STPG2: variants seen among roughly 807,000 people sequenced by gnomAD.
STPG2 encodes sperm-tail PG-rich repeat-containing protein 2.
In STPG2, 56 loss-of-function variants were observed where a neutral mutation model predicts 54.2. That is an observed-to-expected ratio of 1.03 (90% CI 0.83 to 1.29). The LOEUF (loss-of-function observed/expected upper bound fraction) is 1.29. STPG2 is among the 50% of genes most tolerant of loss of function. STPG2 has a pLI of 0.00. For synonymous variants in STPG2, 200 were observed against 181.8 expected (o/e 1.10, Z -0.81); for missense variants, 596 against 544.9 (o/e 1.09, Z -0.93).
chr4:97,866,910 TA>T (rs138050815), intron 8 of STPG2, among the ~76,000 whole-genome samples: 13 of 151,568 alleles, frequency 8.6e-5, no homozygotes, highest in African/African-American at 2.7e-4. Flanking sequence ...TGCAGCAAGG[TA>T]AAAAAAACTT....
At chr4:97,451,515 C>A (rs1729363414) in intron 4 of STPG2, among the ~76,000 whole-genome samples, 1 of 151,882 alleles carries the variant, frequency 6.6e-6, no homozygotes, top group Non-Finnish European at 1.5e-5. Flanking sequence ...TTTTATTTTT[C>A]TTTTGTTAAC....
At chr4:97,464,236 A>G (rs757908681) in intron 4 of STPG2, among the ~76,000 whole-genome samples, 5 of 152,256 alleles carry the variant, frequency 3.3e-5, no homozygotes, top group Non-Finnish European at 5.9e-5. Flanking sequence ...ATGCAATACA[A>G]CAGTAAAAAA....
At chr4:98,038,410 A>ATT (rs71600243) in intron 5 of STPG2, among the ~76,000 whole-genome samples, 2 of 151,852 alleles carry the variant, frequency 1.3e-5, no homozygotes, top group Non-Finnish European at 1.5e-5. Flanking sequence ...AGTGGAAACA[A>ATT]TTTTTTTTTA....
downstream of STPG2, among the ~76,000 whole-genome samples, chr4:97,554,478 C>T (rs1366612882): frequency 1.3e-5 from 2 of 152,272 alleles, no homozygotes; most frequent in East Asian, 3.9e-4. Flanking sequence ...AACCTTCTTT[C>T]TGGCTTTGGT....
intron 10 of STPG2, among the ~76,000 whole-genome samples, chr4:97,624,729 T>C (rs1183203392): frequency 6.6e-6 from 1 of 152,244 alleles, no homozygotes; most frequent in Non-Finnish European, 1.5e-5. Flanking sequence ...GCTGAAATTG[T>C]CTTCTAGGGC....
At chr4:97,698,074 T>C (rs1028215562) in intron 10 of STPG2, among the ~76,000 whole-genome samples, 2 of 152,170 alleles carry the variant, frequency 1.3e-5, no homozygotes, top group African/African-American at 4.8e-5. Flanking sequence ...GTGTTTTTAA[T>C]TCCTCTAGCA....
At chr4:97,506,601 T>G (rs1328383534) in intron 4 of STPG2, among the ~76,000 whole-genome samples, 1 of 151,834 alleles carries the variant, frequency 6.6e-6, no homozygotes, top group Non-Finnish European at 1.5e-5. Context: ...TAATAAATAA[T>G]GATGTACATG....
At chr4:97,828,055 T>C (rs537893658) in intron 9 of STPG2, among the ~76,000 whole-genome samples, 16 of 152,260 alleles carry the variant, frequency 1.1e-4, no homozygotes, top group South Asian at 6.2e-4. Context: ...TCAAAGCCAA[T>C]TTAAAAAGCC....
chr4:97,543,810 G>T (rs957536827), intron 4 of STPG2, among the ~76,000 whole-genome samples: 2 of 151,930 alleles, frequency 1.3e-5, no homozygotes, highest in African/African-American at 4.8e-5. Context: ...GGCTTTTAAG[G>T]TCATCAAATC....
intron 10 of STPG2, among the ~76,000 whole-genome samples, chr4:97,576,697 T>C (rs1014092352): frequency 1.3e-5 from 2 of 152,078 alleles, no homozygotes; most frequent in Admixed American, 6.6e-5. Context: ...ACAAAGAATT[T>C]ATCATTAAGT....
At chr4:98,004,824 T>A (rs1279739111) in intron 5 of STPG2, among the ~76,000 whole-genome samples, 5 of 152,186 alleles carry the variant, frequency 3.3e-5, no homozygotes, top group Non-Finnish European at 7.4e-5. Context: ...TTGCCCATTT[T>A]AAAAATCAGG....
intron 5 of STPG2, among the ~76,000 whole-genome samples, chr4:98,022,042 G>T (rs1049890407): frequency 1.3e-5 from 2 of 151,830 alleles, no homozygotes; most frequent in Non-Finnish European, 2.9e-5. Flanking sequence ...TGTTATGTGT[G>T]AATTTGATCC....
At chr4:98,070,132 A>G (rs1198578730) in intron 5 of STPG2, among the ~76,000 whole-genome samples, 1 of 152,044 alleles carries the variant, frequency 6.6e-6, no homozygotes, top group Non-Finnish European at 1.5e-5. Context: ...AATACTACCA[A>G]ATCAAATCCA....
intron 8 of STPG2, among the ~76,000 whole-genome samples, chr4:97,921,792 A>G (rs888880114): frequency 6.6e-6 from 1 of 152,216 alleles, no homozygotes; most frequent in African/African-American, 2.4e-5. Context: ...AGTGTTCATC[A>G]ACGGATAAAG....
intron 10 of STPG2, among the ~76,000 whole-genome samples, chr4:97,629,892 CAGAAA>C (rs1721214642): frequency 6.6e-6 from 1 of 151,898 alleles, no homozygotes. Flanking sequence ...TGCAAAGGCA[CAGAAA>C]CCTTGGAAAG....
chr4:97,694,811 A>T, intron 10 of STPG2, among the ~76,000 whole-genome samples: 1 of 30,582 alleles, frequency 3.3e-5, no homozygotes, highest in African/African-American at 1.4e-4. Flanking sequence ...AGACTCTGTC[A>T]CAAAAAAAAA....
chr4:97,579,621 C>T (rs78434198), intron 10 of STPG2, among the ~76,000 whole-genome samples: 3,492 of 152,094 alleles, frequency 0.023, 62 homozygotes, highest in South Asian at 0.063. Context: ...GGAACTTCTG[C>T]CACCTTTACA....
At chr4:98,029,949 ACT>A (rs1736541330) in intron 5 of STPG2, among the ~76,000 whole-genome samples, 1 of 151,958 alleles carries the variant, frequency 6.6e-6, no homozygotes, top group African/African-American at 2.4e-5. Context: ...AAGAGTTGTA[ACT>A]CTTTTTCATG....
intron 9 of STPG2, among the ~76,000 whole-genome samples, chr4:97,758,622 G>C (rs991521659): frequency 2.0e-5 from 3 of 152,032 alleles, no homozygotes; most frequent in Admixed American, 6.6e-5. Flanking sequence ...GGGCCTGTCA[G>C]GGGGGTGCGG....
Sources: gnomAD v4.1 joint callset for allele counts (sites outside exome capture counted in the v4.1 genomes callset) on GRCh38, gnomAD v4.1.1 for gene constraint, MANE v1.5 for transcripts, NCBI Gene and HGNC (gene_info 2026-07-23, HGNC 2026-07-21) for gene names.